CDC14A: variants seen among roughly 807,000 people sequenced by gnomAD.
CDC14A encodes dual specificity protein phosphatase CDC14A.
Under a neutral mutation model 74.4 loss-of-function variants are expected in CDC14A, and 53 were observed. The observed-to-expected ratio is 0.71, with a 90% CI of 0.57 to 0.89. CDC14A has a LOEUF of 0.89. CDC14A is among the 40% of genes least tolerant of loss of function. CDC14A has a pLI of 0.00. For missense variants in CDC14A, 646 were observed against 713.7 expected (o/e 0.91, Z 1.08); for synonymous variants, 247 against 258.4 (o/e 0.96, Z 0.43).
At chr1:100,506,148 C>T (rs1186701145) in intron 15 of CDC14A, among the ~76,000 whole-genome samples, 1 of 152,104 alleles carries the variant, frequency 6.6e-6, no homozygotes, top group African/African-American at 2.4e-5. Flanking sequence ...GATAAAACAT[C>T]CAAACTATAT....
At chr1:100,379,803 A>G (rs573252787) in intron 3 of CDC14A, among the ~76,000 whole-genome samples, 1 of 152,324 alleles carries the variant, frequency 6.6e-6, no homozygotes, top group Admixed American at 6.5e-5. Context: ...CACTCAAGGC[A>G]GAAGGTCAAG....
Position 100,469,364 on chromosome 1 carries a change from A to G in CDC14A, c.977+1270A>G, listed in dbSNP as rs1668161684. ...AATGATGCAGATGTCTAATGAATGC[A>G]TTAGAAAAAATATCCAAGGACAGGA... On this transcript the variant is annotated intron_variant, in intron 10 of 15. Coordinates refer to ENST00000336454, the MANE Select transcript of CDC14A (RefSeq NM_003672.4). Among the ~76,000 whole-genome samples the G allele has an allele frequency of 6.6e-5, 10 of 152,364 alleles. No individual in the cohort carries two copies. In the South Asian group the frequency reaches 2.1e-3, roughly 32 times the overall value.
chr1:100,403,665 TTTC>T (rs1313678205), intron 4 of CDC14A, among the ~76,000 whole-genome samples: 1 of 152,244 alleles, frequency 6.6e-6, no homozygotes, highest in African/African-American at 2.4e-5. Context: ...TGATTTATCT[TTTC>T]TTATCTCACT....
intron 1 of CDC14A, among the ~76,000 whole-genome samples, chr1:100,346,485 A>G (rs1300970793): frequency 6.6e-6 from 1 of 152,130 alleles, no homozygotes; most frequent in Admixed American, 6.5e-5. Flanking sequence ...TTAAACAATT[A>G]GCCAAATGCA....
chr1:100,494,997 T>C, intron 12 of CDC14A, 67 bp downstream of exon 12: 1 of 802,016 alleles, frequency 1.2e-6, no homozygotes, highest in Admixed American at 2.2e-5. Flanking sequence ...TTTCATCTTC[T>C]CTTTAATCTG....
rs1553180578 is a variant in CDC14A, at chr1:100,420,063, C to CATATATATATATATATATATAT, written c.310-4140_310-4139insTATATATATATATATATATATA. Among the ~76,000 whole-genome samples the CATATATATATATATATATATAT allele has an allele frequency of 9.0e-3, 552 of 61,414 alleles. 8 individuals are homozygous for CATATATATATATATATATATAT. The highest frequency in any genetic ancestry group is 0.022 in the Admixed American group (96 of 4,322). The allele number at this position is 61,414 out of a possible 152,430, so 40.3% of individuals were successfully genotyped here. On this transcript the variant is annotated intron_variant, in intron 4 of 15. Transcript: ENST00000336454. ...ACACACACACACACACACACACACA[C>CATATATATATATATATATATAT]ATATATATATATATATATAGTGTGT...
chr1:100,487,751 T>C (rs561845231), intron 11 of CDC14A, among the ~76,000 whole-genome samples: 1 of 152,328 alleles, frequency 6.6e-6, no homozygotes, highest in African/African-American at 2.4e-5. Flanking sequence ...TTCACCTTTA[T>C]TGAGCCTGGA....
At chr1:100,486,434 T>C (rs1407567941) in intron 11 of CDC14A, among the ~76,000 whole-genome samples, 1 of 152,152 alleles carries the variant, frequency 6.6e-6, no homozygotes, top group African/African-American at 2.4e-5. Flanking sequence ...CTTAGTCCAT[T>C]TGGGCTGCTG....
intron 2 of CDC14A, 63 bp from the exon 3 acceptor site, chr1:100,377,483 T>C (rs1655434972): frequency 2.0e-6 from 2 of 1,018,452 alleles, no homozygotes; most frequent in African/African-American, 1.6e-5. Flanking sequence ...AAGATGAACA[T>C]TGATGTTACT....
At chr1:100,493,975 T>C (rs977490211) in intron 11 of CDC14A, among the ~76,000 whole-genome samples, 1 of 152,178 alleles carries the variant, frequency 6.6e-6, no homozygotes, top group African/African-American at 2.4e-5. Context: ...TCCAAGCACT[T>C]TGATTTTTCA....
chr1:100,397,125 G>C (rs1658619573), intron 4 of CDC14A, among the ~76,000 whole-genome samples: 1 of 151,928 alleles, frequency 6.6e-6, no homozygotes, highest in Non-Finnish European at 1.5e-5. Flanking sequence ...TGTGGCCCAG[G>C]GAAGCTAAAT....
At chr1:100,423,201 C>G (rs1013733250) in intron 4 of CDC14A, among the ~76,000 whole-genome samples, 2 of 152,164 alleles carry the variant, frequency 1.3e-5, no homozygotes, top group Non-Finnish European at 2.9e-5. Context: ...GTCCTCTTCT[C>G]TCAGTCCTAG....
In CDC14A at chr1:100,486,704, A is replaced by G. The variant is rs181996392; in HGVS notation, c.1137+2253A>G. 2.9e-3 allele frequency among the ~76,000 whole-genome samples: 438 copies of G among 152,338 alleles called. 2 individuals carry two copies. Among genetic ancestry groups the G allele is most frequent in the South Asian group, 9.1e-3 (44 of 4,834 alleles). ...AAATATTCAGACCATAGCATCCCCC[A>G]TCATTATTTTAGTTTTAGCCATTGA... On this transcript the variant is annotated intron_variant, in intron 11 of 15. Coordinates refer to ENST00000336454, the MANE Select transcript of CDC14A (RefSeq NM_003672.4).
In CDC14A at chr1:100,352,563, A is replaced by C; in HGVS notation, c.-392A>C. 1 of 1,044,864 alleles carries C rather than the reference A, an allele frequency of 9.6e-7. No individual in the cohort carries two copies. Among genetic ancestry groups the C allele is most frequent in the Non-Finnish European group, 1.2e-6 (1 of 868,606 alleles). The allele number at this position is 1,044,864 out of a possible 1,614,324, so 64.7% of individuals were successfully genotyped here. On this transcript the variant is annotated 5_prime_UTR_variant, in exon 1 of 16. Transcript: ENST00000336454. ...CCTCCCGGCTGCCGCTCGAGTAGCC[A>C]CGGGCGCGATCGGGACCAGAAGTCT...
chr1:100,370,638 C>T (rs1249966460), intron 2 of CDC14A, among the ~76,000 whole-genome samples: 4 of 152,060 alleles, frequency 2.6e-5, no homozygotes, highest in East Asian at 3.8e-4. Flanking sequence ...AGGTTTATTT[C>T]GGGGTTCTCT....
chr1:100,364,657 T>C (rs17100904), intron 2 of CDC14A, among the ~76,000 whole-genome samples: 1,738 of 152,344 alleles, frequency 0.011, 31 homozygotes, highest in African/African-American at 0.04. Flanking sequence ...ACTGTCTGTA[T>C]AGCTCTCCTG....
At chr1:100,423,797 A>C (rs1468948585) in intron 4 of CDC14A, 3 of 167,022 alleles carry the variant, frequency 1.8e-5, no homozygotes, top group Admixed American at 1.7e-4. Context: ...AATTCAGTAG[A>C]TACCCCATGG....
rs1459884584 is a variant in CDC14A, at chr1:100,390,777, G to C, written c.262G>C (p.Asp88His). 6.2e-7 allele frequency: 1 copy of C among 1,613,226 alleles called. No individual in the cohort carries two copies. Among genetic ancestry groups the C allele is most frequent in the East Asian group, 2.2e-5 (1 of 44,822 alleles). ...GAAAATAGTGCACTACACCTGTTTT[G>C]ACCAACGGAAAAGAGCAAATGCAGC... The part of the protein sequence containing the change: ...RKKIVHYTCF[D>H]QRKRANAAFL... Residue 88 changes from aspartate to histidine, a missense_variant, in exon 4 of 16, where the codon GAC (aspartate) becomes CAC (histidine). Asp to His is a moderately conservative substitution (Grantham distance 81). Coordinates refer to ENST00000336454, the MANE Select transcript of CDC14A (RefSeq NM_003672.4).
chr1:100,476,232 C>A (rs1668884423), intron 10 of CDC14A, among the ~76,000 whole-genome samples: 1 of 152,098 alleles, frequency 6.6e-6, no homozygotes, highest in Non-Finnish European at 1.5e-5. Context: ...GCGGGCAGAT[C>A]GCATGAGGTC....
Sources: allele counts gnomAD v4.1 joint callset (sites outside exome capture counted in the v4.1 genomes callset), GRCh38; gene constraint gnomAD v4.1.1; transcripts MANE v1.5; gene names NCBI Gene and HGNC (gene_info 2026-07-23, HGNC 2026-07-21).